The following SPATA2L variants were observed in gnomAD, a reference collection of about 807,000 sequenced individuals.
SPATA2L encodes spermatogenesis associated 2 like, also known as spermatogenesis-associated protein 2-like protein.
SPATA2L carries 5 observed loss-of-function variants against 8.7 expected under a neutral mutation model. The ratio of observed to expected loss-of-function variants is 0.57; its 90% CI spans 0.30 to 1.21. The LOEUF (loss-of-function observed/expected upper bound fraction) is 1.21. Among genes scored for constraint, SPATA2L ranks in the 50% most tolerant of loss-of-function variants. SPATA2L has a pLI of 0.07. For synonymous variants in SPATA2L, 358 were observed against 275.8 expected (o/e 1.30, Z -2.95); for missense variants, 671 against 591.0 (o/e 1.14, Z -1.40).
In SPATA2L at chr16:89,697,405, G is replaced by A; in HGVS notation, c.1204C>T (p.Gln402Ter). The stretch of plus-strand genomic sequence containing the variant: ...GCACGCTGTAGCCACAAGCGCCGCT[G>A]GGCGTCGCCAAGCAGCACACGCAGC... ...HSLRVLLGDA[Q>*]RRLWLQRAQM... The change falls in exon 3 of 3, where the codon CAG (glutamine) becomes TAG (stop). Residue 402 changes from glutamine (Q) to a stop codon, truncating the protein, a stop_gained. Transcript: ENST00000289805. LOFTEE classifies it high-confidence loss of function. 1 of 1,600,276 alleles carries A rather than the reference G, an allele frequency of 6.2e-7. No individual in the cohort carries two copies.
rs1340382340 is a variant in SPATA2L at position 89,697,729 on chromosome 16, C to G, written c.880G>C (p.Gly294Arg). 1 of 1,609,940 alleles carries G rather than the reference C, an allele frequency of 6.2e-7. No homozygotes were observed. Among genetic ancestry groups the G allele is most frequent in the Non-Finnish European group, 8.5e-7 (1 of 1,178,642 alleles). ...GGTTCCAGCCCCTCCTCCAAGGCCCCATATGGTGGGCTGCTGGCCTGCGGC... is the reference window on the plus strand; with the variant it reads ...GGTTCCAGCCCCTCCTCCAAGGCCCGATATGGTGGGCTGCTGGCCTGCGGC... ...ELPQASSPPY[G>R]ALEEGLEPEP... Residue 294 changes from glycine (G) to arginine (R), a missense_variant, in exon 3 of 3, where the codon GGG becomes CGG. Transcript: ENST00000289805.
chr16:89,697,972 G>A lies in SPATA2L; in HGVS notation c.637C>T (p.Pro213Ser), dbSNP rs1398642849. 3 of 1,604,692 alleles carry A rather than the reference G, an allele frequency of 1.9e-6. No individual in the cohort carries two copies. Among genetic ancestry groups the A allele is most frequent in the African/African-American group, 1.3e-5 (1 of 74,856 alleles). The change falls in exon 3 of 3, where the codon CCC (proline) becomes TCC (serine). Residue 213 changes from proline (P) to serine (S), a missense_variant. Physicochemically the swap from Pro to Ser is moderately conservative, Grantham distance 74. Coordinates refer to ENST00000289805, the MANE Select transcript of SPATA2L (RefSeq NM_152339.4). ...LAQDEEPPPL[P>S]PRGSPAAYRA... Reference sequence around the variant, plus strand: ...TAAGCAGCAGGGGAGCCTCGGGGGGGCAGGGGTGGCGGCTCCTCATCCTGG... The same window carrying A: ...TAAGCAGCAGGGGAGCCTCGGGGGGACAGGGGTGGCGGCTCCTCATCCTGG...
Position 89,697,368 on chromosome 16 carries a change from G to A in SPATA2L, c.1241C>T (p.Thr414Ile), listed in dbSNP as rs762573189. Residue 414 changes from threonine to isoleucine, a missense_variant, in exon 3 of 3, where the codon ACT becomes ATT. Coordinates refer to ENST00000289805, the MANE Select transcript of SPATA2L (RefSeq NM_152339.4). ...RLWLQRAQMDTLLYNSPGARP is the reference protein window; with the variant it reads ...RLWLQRAQMDILLYNSPGARP Reference sequence around the variant, plus strand: ...GGCCCCGGGGCTGTTGTAGAGCAGAGTGTCCATCTGTGCACGCTGTAGCCA... The same window carrying A: ...GGCCCCGGGGCTGTTGTAGAGCAGAATGTCCATCTGTGCACGCTGTAGCCA... 4.5e-6 allele frequency: 7 copies of A among 1,558,760 alleles called. No homozygotes were observed. In the East Asian group the frequency reaches 1.4e-4, roughly 30 times the overall value.
chr16:89,697,237 C>G lies in SPATA2L; in HGVS notation c.*97G>C, dbSNP rs2060736904. 1 of 1,411,764 alleles carries G rather than the reference C, an allele frequency of 7.1e-7. No individual in the cohort carries two copies. Among genetic ancestry groups the G allele is most frequent in the South Asian group, 1.7e-5 (1 of 58,108 alleles). 87.5% of individuals were successfully genotyped at this position (1,411,764 alleles called of 1,614,324 possible). A position where few individuals can be genotyped will look rare whatever the true frequency, so the allele number is the denominator to read the frequency against. On this transcript the variant is annotated 3_prime_UTR_variant, in exon 3 of 3. Transcript: ENST00000289805. ...CCCCCTGCTGTGCCCAGGACTCCCC[C>G]AGGGACAAGGCAACCAGAGGCCCAG...
rs994336188 is a variant in SPATA2L, at chr16:89,696,935, C to T, written c.*399G>A. The T allele has an allele frequency of 9.9e-6, 15 of 1,514,034 alleles. No individual in the cohort carries two copies. Among genetic ancestry groups the T allele is most frequent in the East Asian group, 4.9e-5 (2 of 40,580 alleles). The allele number at this position is 1,514,034 out of a possible 1,614,324, so 93.8% of individuals were successfully genotyped here. ...ACTCGTGTGGAGAATCCCTGGGACA[C>T]GTGGAGGACCCCCAAGTCCTGAGCC... On this transcript the variant is annotated 3_prime_UTR_variant, in exon 3 of 3. Transcript: ENST00000289805.
intron 2 of SPATA2L, among the ~76,000 whole-genome samples, chr16:89,699,829 C>A (rs991872623): frequency 1.3e-5 from 2 of 152,202 alleles, no homozygotes; most frequent in African/African-American, 4.8e-5. Flanking sequence ...GGATTACAGG[C>A]GTGAGCCACC....
rs1294755505 is a variant in SPATA2L at position 89,696,885 on chromosome 16, G to A, written c.*449C>T. The A allele has an allele frequency of 5.2e-6, 8 of 1,534,434 alleles. No individual in the cohort carries two copies. Among genetic ancestry groups the A allele is most frequent in the African/African-American group, 2.7e-5 (2 of 73,034 alleles). ...CAGAGCTTGGGGTGGGGGGAGCTCG[G>A]TGTCACCAACAGGCCCTTGAGGACA... On this transcript the variant is annotated 3_prime_UTR_variant, in exon 3 of 3. Transcript: ENST00000289805.
At chr16:89,700,844 C>T in intron 2 of SPATA2L, 86 bp downstream of exon 2, 2 of 1,353,852 alleles carry the variant, frequency 1.5e-6, no homozygotes, top group South Asian at 1.7e-5. Context: ...GCCCCTCTCT[C>T]TCGAAAGGCG....
chr16:89,701,154 C>A lies in SPATA2L; in HGVS notation c.79G>T (p.Gly27Trp). 6.6e-7 allele frequency: 1 copy of A among 1,507,036 alleles called. No individual in the cohort carries two copies. Among genetic ancestry groups the A allele is most frequent in the South Asian group, 1.2e-5 (1 of 81,404 alleles). 93.4% of individuals were successfully genotyped at this position (1,507,036 alleles called of 1,614,324 possible). Residue 27 changes from glycine to tryptophan, a missense_variant, in exon 2 of 3, where the codon GGG becomes TGG. By Grantham distance (184) the Gly-to-Trp change is radical. Transcript: ENST00000289805. The part of the protein sequence containing the change: ...ELRRGRAGVC[G>W]DPSLRAVLWQ... Reference sequence around the variant, plus strand: ...AGCACCGCGCGCAGCGAGGGGTCCCCGCACACGCCCGCGCGGCCCCGTCGC... The same window carrying A: ...AGCACCGCGCGCAGCGAGGGGTCCCAGCACACGCCCGCGCGGCCCCGTCGC...
chr16:89,697,132 C>T lies in SPATA2L; in HGVS notation c.*202G>A, dbSNP rs1025810936. The stretch of plus-strand genomic sequence containing the variant: ...GGAAATGTGGAAAGGCTCCTGCTGG[C>T]CGGCTTAGGCCTGCTGCCCTTGGAG... On this transcript the variant is annotated 3_prime_UTR_variant, in exon 3 of 3. Transcript: ENST00000289805. 7.3e-7 allele frequency: 1 copy of T among 1,374,430 alleles called. No individual in the cohort carries two copies. Among genetic ancestry groups the T allele is most frequent in the African/African-American group, 1.5e-5 (1 of 68,606 alleles). 85.1% of individuals were successfully genotyped at this position (1,374,430 alleles called of 1,614,324 possible). A position where few individuals can be genotyped will look rare whatever the true frequency, so the allele number is the denominator to read the frequency against.
In SPATA2L at chr16:89,697,284, G is replaced by C; in HGVS notation, c.*50C>G. On this transcript the variant is annotated 3_prime_UTR_variant, in exon 3 of 3. Transcript: ENST00000289805. ...CCAGACCCCTCCCCAGCAAAGAGAA[G>C]CACCACGGGAGCTGTCTCCCAAGAG... 6.8e-7 allele frequency: 1 copy of C among 1,466,144 alleles called. No individual in the cohort carries two copies. The highest frequency in any genetic ancestry group is 1.5e-5 in the South Asian group (1 of 64,586). The allele number at this position is 1,466,144 out of a possible 1,614,324, so 90.8% of individuals were successfully genotyped here.
rs373552489 is a variant in SPATA2L at position 89,697,769 on chromosome 16, G to A, written c.840C>T (p.Pro280=). Residue 280 remains proline (P), a synonymous_variant, in exon 3 of 3, where the codon CCC becomes CCT. Coordinates refer to ENST00000289805, the MANE Select transcript of SPATA2L (RefSeq NM_152339.4). ...LWGTGGRAWE[P]PAEELPQASS... ...TGGCCTGCGGCAGCTCCTCAGCTGG[G>A]GGCTCCCAGGCCCGGCCCCCAGTGC... 12 of 1,601,202 alleles carry A rather than the reference G, an allele frequency of 7.5e-6. No homozygotes were observed. The Middle Eastern group carries it at 8.3e-4, about 110-fold the overall frequency.
chr16:89,697,051 C>A lies in SPATA2L; in HGVS notation c.*283G>T. The stretch of plus-strand genomic sequence containing the variant: ...GGACAGGTTCAGGCACTGGCTGGAA[C>A]AGGCTGGACCCCTCTACCCAGCACA... On this transcript the variant is annotated 3_prime_UTR_variant, in exon 3 of 3. Coordinates refer to ENST00000289805, the MANE Select transcript of SPATA2L (RefSeq NM_152339.4). 7.1e-7 allele frequency: 1 copy of A among 1,404,902 alleles called. No homozygotes were observed. Among genetic ancestry groups the A allele is most frequent in the Non-Finnish European group, 9.2e-7 (1 of 1,081,236 alleles). 87.0% of individuals were successfully genotyped at this position (1,404,902 alleles called of 1,614,324 possible).
rs1035437661 is a variant in SPATA2L, at chr16:89,696,802, G to C, written c.*532C>G. On this transcript the variant is annotated 3_prime_UTR_variant, in exon 3 of 3. Coordinates refer to ENST00000289805, the MANE Select transcript of SPATA2L (RefSeq NM_152339.4). ...TGCTGTGACACCCAAGGGGAGGGCC[G>C]GCGTCCCCGAAGCCAGGTCAGCCGT... is the stretch of plus-strand genomic sequence containing the variant. 2 of 1,534,284 alleles carry C rather than the reference G, an allele frequency of 1.3e-6. No homozygotes were observed. Among genetic ancestry groups the C allele is most frequent in the Admixed American group, 2.0e-5 (1 of 50,874 alleles).
intron 1 of SPATA2L, 146 bp from the exon 2 acceptor site, chr16:89,701,379 G>C (rs993866772): frequency 1.3e-6 from 1 of 756,218 alleles, no homozygotes; most frequent in Non-Finnish European, 1.9e-6. Context: ...GGTATCTTCG[G>C]CACCCCCTAC....
rs760619286 is a variant in SPATA2L, at chr16:89,697,999, C to A, written c.610G>T (p.Ala204Ser). ...SCVAWLQQRLAQDEEPPPLPP... is the reference protein window; with the variant it reads ...SCVAWLQQRLSQDEEPPPLPP... Reference sequence around the variant, plus strand: ...AGGGGTGGCGGCTCCTCATCCTGGGCCAGCCGCTGCTGCAGCCAGGCCACA... The same window carrying A: ...AGGGGTGGCGGCTCCTCATCCTGGGACAGCCGCTGCTGCAGCCAGGCCACA... The change falls in exon 3 of 3, where the codon GCC (alanine) becomes TCC (serine). Residue 204 changes from alanine (A) to serine (S), a missense_variant. By Grantham distance (99) the Ala-to-Ser change is moderately conservative. Transcript: ENST00000289805. 6.2e-7 allele frequency: 1 copy of A among 1,600,774 alleles called. No homozygotes were observed. The highest frequency in any genetic ancestry group is 1.7e-5 in the Admixed American group (1 of 59,680).
rs764979245 is a variant in SPATA2L at position 89,697,812 on chromosome 16, T to A, written c.797A>T (p.Gln266Leu). Reference protein sequence around the residue: ...ELAYRPPLWEQSAKLWGTGGR... With the variant: ...ELAYRPPLWELSAKLWGTGGR... ...CCCAGTGCCCCACAGTTTGGCACTC[T>A]GCTCCCAGAGTGGTGGCCTGTAGGC... Residue 266 changes from glutamine to leucine, a missense_variant, in exon 3 of 3, where the codon CAG becomes CTG. Transcript: ENST00000289805. 10 of 1,603,354 alleles carry A rather than the reference T, an allele frequency of 6.2e-6. No individual in the cohort carries two copies. The highest frequency in any genetic ancestry group is 7.7e-6 in the Non-Finnish European group (9 of 1,176,238).
intron 1 of SPATA2L, 64 bp downstream of exon 1, chr16:89,701,564 T>C: frequency 3.4e-6 from 1 of 293,276 alleles, no homozygotes; most frequent in African/African-American, 2.2e-5. Flanking sequence ...CGCTGAGCCC[T>C]CTCCCGACCA....
In SPATA2L at chr16:89,697,888, T is replaced by G; in HGVS notation, c.721A>C (p.Ser241Arg). Residue 241 changes from serine (S) to arginine (R), a missense_variant, in exon 3 of 3, where the codon AGC becomes CGC. Physicochemically the swap from Ser to Arg is moderately radical, Grantham distance 110. Coordinates refer to ENST00000289805, the MANE Select transcript of SPATA2L (RefSeq NM_152339.4). ...CCTGGTGACGGCTCCCCATACAGGC[T>G]GGCGTCCTCCGACCCCTCGTCTTCC... Reference protein sequence around the residue: ...LQEDEGSEDASLYGEPSPGPD... With the variant: ...LQEDEGSEDARLYGEPSPGPD... 3.7e-6 allele frequency: 6 copies of G among 1,611,796 alleles called. No individual in the cohort carries two copies. The highest frequency in any genetic ancestry group is 5.1e-6 in the Non-Finnish European group (6 of 1,179,666).
Sources: allele counts gnomAD v4.1 joint callset (sites outside exome capture counted in the v4.1 genomes callset), GRCh38; gene constraint gnomAD v4.1.1; transcripts MANE v1.5; gene names NCBI Gene and HGNC (gene_info 2026-07-23, HGNC 2026-07-21).